FGD6: variants seen among roughly 807,000 people sequenced by gnomAD.
FGD6 encodes the protein FYVE, RhoGEF and PH domain-containing protein 6.
A neutral mutation model predicts 149.4 loss-of-function variants in FGD6; 90 were observed. That is an observed-to-expected ratio of 0.60 (90% CI 0.51 to 0.72). FGD6 has a LOEUF of 0.72. FGD6 is among the 30% of genes least tolerant of loss of function. The pLI, the probability that FGD6 is intolerant of heterozygous loss-of-function variation, is 0.00. For synonymous variants in FGD6, 527 were observed against 584.0 expected, an observed-to-expected ratio of 0.90 and a Z score of 1.41; for missense variants, 1,437 against 1,684.8, an observed-to-expected ratio of 0.85 and a Z score of 2.57.
At chr12:95,164,123 T>G (rs1217589973) in intron 3 of FGD6, among the ~76,000 whole-genome samples, 2 of 152,208 alleles carry the variant, frequency 1.3e-5, no homozygotes, top group East Asian at 3.8e-4. Context: ...GAAATAACTT[T>G]GTCAAGGTCA....
At chr12:95,121,935 C>T in intron 8 of FGD6, among the ~76,000 whole-genome samples, 1 of 151,958 alleles carries the variant, frequency 6.6e-6, no homozygotes, top group East Asian at 1.9e-4. Flanking sequence ...CTTGGGTTTC[C>T]TACTTTGTCA....
intron 5 of FGD6, among the ~76,000 whole-genome samples, chr12:95,146,867 A>G (rs1161601761): frequency 2.1e-5 from 3 of 145,248 alleles, no homozygotes; most frequent in African/African-American, 7.5e-5. Context: ...CTTAGGGAAG[A>G]CCTAAGCAAA....
At chr12:95,181,375 G>T (rs1017763001) in intron 2 of FGD6, among the ~76,000 whole-genome samples, 2 of 152,170 alleles carry the variant, frequency 1.3e-5, no homozygotes, top group Non-Finnish European at 2.9e-5. Context: ...TGACACAGGA[G>T]GAGCCCCATG....
In FGD6 at chr12:95,200,162, T is replaced by C. The variant is rs367656752; in HGVS notation, c.2441+8681A>G. Among the ~76,000 whole-genome samples the C allele has an allele frequency of 8.9e-4, 133 of 150,048 alleles. 3 individuals are homozygous for C. The South Asian group carries it at 0.027, about 31-fold the overall frequency. On this transcript the variant is annotated intron_variant, in intron 2 of 20. Coordinates refer to ENST00000343958, the MANE Select transcript of FGD6 (RefSeq NM_018351.4). ...CTAACATATGCCAAAGTATGTCAAC[T>C]GTTATAAATGTTATCAAAAAAAACT... is the stretch of plus-strand genomic sequence containing the variant.
rs1053233364 is a variant in FGD6, at chr12:95,086,056, T to C, written c.3979-148A>G. The C allele has an allele frequency of 6.4e-6, 5 of 786,892 alleles. No homozygotes were observed. The African/African-American group carries it at 8.7e-5, about 14-fold the overall frequency. The allele number at this position is 786,892 out of a possible 1,614,324, so 48.7% of individuals were successfully genotyped here. On this transcript the variant is annotated intron_variant, in intron 18 of 20. Coordinates refer to ENST00000343958, the MANE Select transcript of FGD6 (RefSeq NM_018351.4). ...TATTTTCAAAGTGCTACTATACAAA[T>C]TGAACTCTGCTATTAACATGAGCAC...
intron 3 of FGD6, among the ~76,000 whole-genome samples, chr12:95,168,919 A>G (rs1387135505): frequency 6.6e-6 from 1 of 152,240 alleles, no homozygotes; most frequent in Non-Finnish European, 1.5e-5. Flanking sequence ...TGTTCTAACA[A>G]CTATGAAAGC....
Position 95,094,711 on chromosome 12 carries a change from GTTTCATCAACCAGATGTCAGT to G in FGD6, c.3498-38_3498-18del. Reference sequence around the variant, plus strand: ...GTGGCAGAACTGTTGGGGGCAAAAGGTTTCATCAACCAGATGTCAGTTTTTGTTCTTTTCCTTTTTCTTCTT... The same window carrying G: ...GTGGCAGAACTGTTGGGGGCAAAAGGTTTTGTTCTTTTCCTTTTTCTTCTT... On this transcript the variant is annotated intron_variant, in intron 14 of 20. Coordinates refer to ENST00000343958, the MANE Select transcript of FGD6 (RefSeq NM_018351.4). The G allele has an allele frequency of 6.4e-7, 1 of 1,574,380 alleles. No homozygotes were observed. The highest frequency in any genetic ancestry group is 8.7e-7 in the Non-Finnish European group (1 of 1,147,952).
chr12:95,198,082 A>G (rs1881775528), intron 2 of FGD6, among the ~76,000 whole-genome samples: 1 of 152,226 alleles, frequency 6.6e-6, no homozygotes, highest in African/African-American at 2.4e-5. Context: ...AGACAGAAAT[A>G]GTTTGTCCCT....
At position 95,108,646 on chromosome 12, in the gene FGD6, G is replaced by C. The variant is rs1054982722; in HGVS notation, c.3134-85C>G. 2.0e-6 allele frequency: 3 copies of C among 1,487,254 alleles called. No individual in the cohort carries two copies. The African/African-American group carries it at 4.1e-5, about 20-fold the overall frequency. 92.1% of individuals were successfully genotyped at this position (1,487,254 alleles called of 1,614,324 possible). ...AACATTAAGCAATTCCAGGGGACAAGATAGCTAGTTTATAGCAACCAACCT... is the reference window on the plus strand; with the variant it reads ...AACATTAAGCAATTCCAGGGGACAACATAGCTAGTTTATAGCAACCAACCT... On this transcript the variant is annotated intron_variant, in intron 9 of 20. Coordinates refer to ENST00000343958, the MANE Select transcript of FGD6 (RefSeq NM_018351.4).
At chr12:95,089,341 C>CTT (rs1019744753) in intron 18 of FGD6, among the ~76,000 whole-genome samples, 76 of 152,290 alleles carry the variant, frequency 5.0e-4, no homozygotes, top group African/African-American at 1.5e-3. Flanking sequence ...TCTATCACTG[C>CTT]TATTAAATGT....
intron 5 of FGD6, 62 bp downstream of exon 5, chr12:95,152,749 G>C (rs978779196): frequency 1.4e-6 from 2 of 1,474,998 alleles, no homozygotes; most frequent in Non-Finnish European, 1.9e-6. Context: ...AAACTTCTAG[G>C]GGTAGGGAAA....
chr12:95,189,276 A>G (rs986784914), intron 2 of FGD6: 4 of 152,222 alleles, frequency 2.6e-5, no homozygotes, highest in Non-Finnish European at 4.4e-5. Context: ...AGTACAAAAG[A>G]GCACACAAAA....
chr12:95,119,196 T>C (rs1271703353), intron 8 of FGD6, among the ~76,000 whole-genome samples: 1 of 152,210 alleles, frequency 6.6e-6, no homozygotes, highest in African/African-American at 2.4e-5. Flanking sequence ...CCATGCCCCA[T>C]AGCATTTTTG....
At chr12:95,126,257 G>C in intron 8 of FGD6, 1 of 1,320,324 alleles carries the variant, frequency 7.6e-7, no homozygotes, top group South Asian at 1.2e-5. Context: ...CTGTGGGCAA[G>C]AAGGCTCCAG....
chr12:95,199,241 G>C (rs1223490860), intron 2 of FGD6, among the ~76,000 whole-genome samples: 1 of 152,100 alleles, frequency 6.6e-6, no homozygotes, highest in Non-Finnish European at 1.5e-5. Context: ...ACGGGCTTTG[G>C]TTGCATCAGT....
chr12:95,112,241 TAA>T (rs11291927), intron 9 of FGD6, among the ~76,000 whole-genome samples: 28 of 144,716 alleles, frequency 1.9e-4, no homozygotes, highest in South Asian at 2.2e-4. Context: ...CTCAAAAAAT[TAA>T]AAAAAAAAAA....
In FGD6 at chr12:95,137,549, A is replaced by G; in HGVS notation, c.2967T>C (p.Gly989=). 1 of 1,599,806 alleles carries G rather than the reference A, an allele frequency of 6.3e-7. No individual in the cohort carries two copies. The highest frequency in any genetic ancestry group is 1.3e-5 in the African/African-American group (1 of 74,412). The change falls in exon 7 of 21, where the codon GGT becomes GGC. Residue 989 remains glycine, a synonymous_variant. Coordinates refer to ENST00000343958, the MANE Select transcript of FGD6 (RefSeq NM_018351.4). ...LLDEQCKKNP[G]FAAVVREFEM... is the part of the protein sequence containing the mutation. ...CAAATTCTCTAACAACAGCAGCAAAACCTGGATTTTTCTTGCACTGTTCAT... is the reference window on the plus strand; with the variant it reads ...CAAATTCTCTAACAACAGCAGCAAAGCCTGGATTTTTCTTGCACTGTTCAT...
At chr12:95,184,550 G>A (rs1281681705) in intron 2 of FGD6, among the ~76,000 whole-genome samples, 4 of 149,688 alleles carry the variant, frequency 2.7e-5, no homozygotes, top group African/African-American at 7.4e-5. Flanking sequence ...TGTAGAGGGT[G>A]TCAGGAAAAG....
At chr12:95,117,134 G>T (rs1410979665) in intron 8 of FGD6, among the ~76,000 whole-genome samples, 1 of 152,142 alleles carries the variant, frequency 6.6e-6, no homozygotes, top group Non-Finnish European at 1.5e-5. Flanking sequence ...TGTTAGACTG[G>T]TAGTATTCTA....
Sources: gnomAD v4.1 joint callset for allele counts (sites outside exome capture counted in the v4.1 genomes callset) on GRCh38, gnomAD v4.1.1 for gene constraint, MANE v1.5 for transcripts, NCBI Gene and HGNC (gene_info 2026-07-23, HGNC 2026-07-21) for gene names.